Variants in BBX observed in about 807,000 individuals in gnomAD.
BBX encodes the protein HMG box transcription factor BBX.
In BBX, 30 loss-of-function variants were observed where a neutral mutation model predicts 100.2. The ratio of observed to expected loss-of-function variants is 0.30; its 90% CI spans 0.22 to 0.41. BBX has a LOEUF of 0.41. BBX is among the 10% of genes least tolerant of loss of function. The pLI, the probability that BBX is intolerant of heterozygous loss-of-function variation, is 1.00. For synonymous variants in BBX, 376 were observed against 388.1 expected, an observed-to-expected ratio of 0.97 and a Z score of 0.37; for missense variants, 1,023 against 1,129.8, an observed-to-expected ratio of 0.91 and a Z score of 1.35.
At chr3:107,569,382 AT>A (rs1200580560) in intron 2 of BBX, among the ~76,000 whole-genome samples, 1 of 151,060 alleles carries the variant, frequency 6.6e-6, no homozygotes, top group Non-Finnish European at 1.5e-5. Flanking sequence ...TTCCTTTTTT[AT>A]TTTTTATTTT....
chr3:107,577,989 C>T (rs891223383), intron 2 of BBX, among the ~76,000 whole-genome samples: 10 of 152,172 alleles, frequency 6.6e-5, no homozygotes, highest in African/African-American at 2.4e-4. Context: ...TTTTGTTTGA[C>T]ACACTTGTTT....
chr3:107,647,251 G>A (rs1321241404), intron 3 of BBX, among the ~76,000 whole-genome samples: 1 of 152,122 alleles, frequency 6.6e-6, no homozygotes, highest in Admixed American at 6.6e-5. Flanking sequence ...GTTGAGTATG[G>A]TGAGGTTTAA....
chr3:107,523,218 AGCGGCGGCG>A lies in BBX; in HGVS notation c.-156+132_-156+140del, dbSNP rs3833481. The A allele has an allele frequency of 9.7e-4, 212 of 218,008 alleles. 1 individual carries two copies. Among genetic ancestry groups the A allele is most frequent in the Middle Eastern group, 1.8e-3 (1 of 550 alleles). 13.5% of individuals were successfully genotyped at this position (218,008 alleles called of 1,614,324 possible). Reference sequence around the variant, plus strand: ...GCCCCAAGGACTCCGCGGCAGGAGCAGCGGCGGCGGCGGCGGCGGCGGCGGCGGCAGCCG... The same window carrying A: ...GCCCCAAGGACTCCGCGGCAGGAGCAGCGGCGGCGGCGGCGGCGGCAGCCG... On this transcript the variant is annotated intron_variant, in intron 1 of 17. Transcript: ENST00000325805.
chr3:107,623,802 T>C (rs1033420609), intron 2 of BBX, among the ~76,000 whole-genome samples: 1 of 152,162 alleles, frequency 6.6e-6, no homozygotes, highest in African/African-American at 2.4e-5. Context: ...TGATTATGGG[T>C]TGGGCACTGT....
At chr3:107,782,064 T>C (rs2067950678) in intron 13 of BBX, among the ~76,000 whole-genome samples, 1 of 152,124 alleles carries the variant, frequency 6.6e-6, no homozygotes, top group African/African-American at 2.4e-5. Flanking sequence ...TCCATAACTG[T>C]TTGAAAGTCT....
chr3:107,595,063 T>G (rs1233205947), intron 2 of BBX, among the ~76,000 whole-genome samples: 1 of 152,050 alleles, frequency 6.6e-6, no homozygotes, highest in Non-Finnish European at 1.5e-5. Context: ...TGCGGCAGAG[T>G]CTGTGTTTAT....
chr3:107,666,634 C>T lies in BBX; in HGVS notation c.-10+20725C>T, dbSNP rs372952185. Among the ~76,000 whole-genome samples the T allele has an allele frequency of 3.2e-4, 49 of 152,300 alleles. 1 individual carries two copies. The South Asian group carries it at 8.7e-3, about 27-fold the overall frequency. On this transcript the variant is annotated intron_variant, in intron 3 of 17. Transcript: ENST00000325805. ...AGACTGGAGTGCAGTGGCGCGATCT[C>T]GGCTCACTGCAACCTCTGCCTCCCG...
At chr3:107,748,493 C>T (rs1432017659) in intron 9 of BBX, among the ~76,000 whole-genome samples, 3 of 152,186 alleles carry the variant, frequency 2.0e-5, no homozygotes, top group Non-Finnish European at 4.4e-5. Flanking sequence ...GATGTAGCTT[C>T]AGCCAGTATT....
intron 5 of BBX, among the ~76,000 whole-genome samples, chr3:107,720,346 G>A (rs2062440305): frequency 6.6e-6 from 1 of 151,976 alleles, no homozygotes; most frequent in Non-Finnish European, 1.5e-5. Flanking sequence ...GAGTCTTACA[G>A]GAAGAATCTG....
chr3:107,633,807 C>T (rs2056693061), intron 2 of BBX, among the ~76,000 whole-genome samples: 1 of 152,230 alleles, frequency 6.6e-6, no homozygotes, highest in Non-Finnish European at 1.5e-5. Flanking sequence ...GATGTCTCTT[C>T]CTTAAGACCA....
rs1006904378 is a variant in BBX at position 107,700,246 on chromosome 3, G to C, written c.-9-10206G>C. Among the ~76,000 whole-genome samples the C allele has an allele frequency of 1.1e-4, 17 of 151,652 alleles. 1 individual carries two copies. The highest frequency in any genetic ancestry group is 4.1e-4 in the African/African-American group (17 of 41,006). ...TAACTGGAGGGAAACATATAGATTG[G>C]GAGTGTGGTGAGGGAAGGAGTTGAC... On this transcript the variant is annotated intron_variant, in intron 3 of 17. Transcript: ENST00000325805.
intron 3 of BBX, among the ~76,000 whole-genome samples, chr3:107,693,197 G>A (rs2060312237): frequency 6.6e-6 from 1 of 151,302 alleles, no homozygotes; most frequent in South Asian, 2.1e-4. Context: ...AAGCTCTTTA[G>A]TTTAATTAGA....
At chr3:107,761,874 A>G (rs1468302096) in intron 10 of BBX, among the ~76,000 whole-genome samples, 1 of 152,154 alleles carries the variant, frequency 6.6e-6, no homozygotes, top group Non-Finnish European at 1.5e-5. Context: ...TGATCAGTGT[A>G]TGATTCCATT....
At chr3:107,709,379 A>C (rs925042356) in intron 3 of BBX, among the ~76,000 whole-genome samples, 1 of 152,188 alleles carries the variant, frequency 6.6e-6, no homozygotes, top group African/African-American at 2.4e-5. Flanking sequence ...GTGTTCATTA[A>C]TCCCAGTTTC....
chr3:107,657,220 G>A (rs901108050), intron 3 of BBX: 4 of 152,032 alleles, frequency 2.6e-5, no homozygotes, highest in African/African-American at 7.2e-5. Context: ...TTGTAAAAGG[G>A]GCTATTATGA....
At chr3:107,582,686 T>C (rs2052376137) in intron 2 of BBX, among the ~76,000 whole-genome samples, 1 of 152,114 alleles carries the variant, frequency 6.6e-6, no homozygotes, top group South Asian at 2.1e-4. Flanking sequence ...AATGTTGTAT[T>C]GATGGGAATA....
intron 2 of BBX, among the ~76,000 whole-genome samples, chr3:107,531,974 C>T (rs970660168): frequency 1.5e-3 from 229 of 152,214 alleles, no homozygotes; most frequent in African/African-American, 5.2e-3. Context: ...AGGAGGATTG[C>T]TTGAGCTTAG....
intron 3 of BBX, among the ~76,000 whole-genome samples, chr3:107,690,584 C>A (rs1490713622): frequency 6.6e-6 from 1 of 152,092 alleles, no homozygotes; most frequent in East Asian, 1.9e-4. Context: ...ATATAAAGAG[C>A]TTCTTCAGTG....
At chr3:107,668,780 G>A (rs757033100) in intron 3 of BBX, among the ~76,000 whole-genome samples, 55 of 152,100 alleles carry the variant, frequency 3.6e-4, no homozygotes, top group Non-Finnish European at 1.9e-4. Flanking sequence ...AAAATGTGCC[G>A]GAGACTTTTG....
Sources: allele counts gnomAD v4.1 joint callset (sites outside exome capture counted in the v4.1 genomes callset), GRCh38; gene constraint gnomAD v4.1.1; transcripts MANE v1.5; gene names NCBI Gene and HGNC (gene_info 2026-07-23, HGNC 2026-07-21).